Variants in XPNPEP1 observed in about 807,000 individuals in gnomAD.
XPNPEP1 encodes the protein xaa-Pro aminopeptidase 1.
XPNPEP1 carries 39 observed loss-of-function variants against 92.4 expected under a neutral mutation model. The observed-to-expected ratio is 0.42, with a 90% CI of 0.33 to 0.55. The LOEUF (loss-of-function observed/expected upper bound fraction) is 0.55. Ranked by LOEUF, XPNPEP1 falls within the 20% of genes least tolerant of loss-of-function variation. The pLI, the probability that XPNPEP1 is intolerant of heterozygous loss-of-function variation, is 0.08. For synonymous variants in XPNPEP1, 307 were observed against 299.4 expected (o/e 1.03, Z -0.26); for missense variants, 654 against 856.1 (o/e 0.76, Z 2.95).
chr10:109,919,615 G>T (rs970444536), intron 1 of XPNPEP1, among the ~76,000 whole-genome samples: 7 of 152,164 alleles, frequency 4.6e-5, no homozygotes, highest in Non-Finnish European at 8.8e-5. Context: ...CTTATAAAAA[G>T]TTGTACACAA....
At chr10:109,896,558 C>A (rs942051153) in intron 3 of XPNPEP1, among the ~76,000 whole-genome samples, 1 of 151,564 alleles carries the variant, frequency 6.6e-6, no homozygotes. Context: ...GCAAGAGCCA[C>A]CATGCTGGGC....
At position 109,870,027 on chromosome 10, in the gene XPNPEP1, G is replaced by A; in HGVS notation, c.1699C>T (p.Pro567Ser). ...AAAGCCCCATCTTCATAGTACCCGG[G>A]CTCTAAAACAAACCAAATCCCAAAA... Reference protein sequence around the residue: ...LEAGMIVTDEPGYYEDGAFGI... With the variant: ...LEAGMIVTDESGYYEDGAFGI... Residue 567 changes from proline (P) to serine (S), a missense_variant and splice_region_variant, in exon 19 of 21, where the codon CCC becomes TCC. By Grantham distance (74) the Pro-to-Ser change is moderately conservative. Transcript: ENST00000502935. 1 of 1,613,934 alleles carries A rather than the reference G, an allele frequency of 6.2e-7. No homozygotes were observed. Among genetic ancestry groups the A allele is most frequent in the Non-Finnish European group, 8.5e-7 (1 of 1,179,938 alleles).
chr10:109,885,908 C>T (rs1429813921), intron 8 of XPNPEP1, among the ~76,000 whole-genome samples: 1 of 152,130 alleles, frequency 6.6e-6, no homozygotes, highest in Admixed American at 6.5e-5. Context: ...GAAAGAAGGC[C>T]TCTCCTATGA....
chr10:109,904,310 T>C (rs1849439889), intron 3 of XPNPEP1, among the ~76,000 whole-genome samples: 1 of 151,230 alleles, frequency 6.6e-6, no homozygotes. Context: ...ACTTTTCCTA[T>C]ATTCTGCCAG....
rs376242117 is a variant in XPNPEP1, at chr10:109,882,424, T to C, written c.1041+8A>G. On this transcript the variant is annotated splice_region_variant and intron_variant, in intron 10 of 20. Transcript: ENST00000502935. The stretch of plus-strand genomic sequence containing the variant: ...AGAGTTTAGATGGGCCAAAGTGGGG[T>C]CACCAACCTTGGGGATGGTCTCGCT... 10 of 1,607,276 alleles carry C rather than the reference T, an allele frequency of 6.2e-6. No homozygotes were observed. Among genetic ancestry groups the C allele is most frequent in the Admixed American group, 3.3e-5 (2 of 59,892 alleles).
At chr10:109,918,420 C>CA (rs1320529910) in intron 1 of XPNPEP1, among the ~76,000 whole-genome samples, 2 of 151,294 alleles carry the variant, frequency 1.3e-5, no homozygotes, top group East Asian at 3.9e-4. Flanking sequence ...GACCCTGTCT[C>CA]AAAAAAAGAA....
chr10:109,904,019 A>AT (rs1442995341), intron 3 of XPNPEP1, among the ~76,000 whole-genome samples: 2 of 150,348 alleles, frequency 1.3e-5, no homozygotes, highest in African/African-American at 2.5e-5. Flanking sequence ...TAATTTTTGT[A>AT]TTTTTTGGCA....
At chr10:109,883,126 G>A (rs980442246) in intron 9 of XPNPEP1, among the ~76,000 whole-genome samples, 1 of 152,146 alleles carries the variant, frequency 6.6e-6, no homozygotes, top group African/African-American at 2.4e-5. Flanking sequence ...TTCTTGTTCA[G>A]AAAAAGAACC....
rs778389411 is a variant in XPNPEP1 at position 109,865,208 on chromosome 10, C to T, written c.1977G>A (p.Thr659=). ...QEALEWLIRE[T]QPISKQH ...ATTAATGCTGTTTGGAGATGGGTTG[C>T]GTCTCTCTGATGAGCCACTCGAGAG... is the stretch of plus-strand genomic sequence containing the variant. The change falls in exon 21 of 21, where the codon ACG becomes ACA. Residue 659 remains threonine, a synonymous_variant. Coordinates refer to ENST00000502935, the MANE Select transcript of XPNPEP1 (RefSeq NM_020383.4). The T allele has an allele frequency of 1.7e-5, 27 of 1,613,958 alleles. No individual in the cohort carries two copies. Among genetic ancestry groups the T allele is most frequent in the East Asian group, 4.5e-5 (2 of 44,890 alleles).
Position 109,880,892 on chromosome 10 carries a change from C to T in XPNPEP1, c.1081G>A (p.Ala361Thr). Reference protein sequence around the residue: ...CCMPYTPICIAKAVKNSAESE... With the variant: ...CCMPYTPICITKAVKNSAESE... ...TCAGCTGAATTCTTCACAGCTTTGG[C>T]GATGCAGATGGGGGTGTAAGGCATA... Residue 361 changes from alanine (A) to threonine (T), a missense_variant, in exon 11 of 21, where the codon GCC becomes ACC. Ala to Thr is a moderately conservative substitution (Grantham distance 58). Transcript: ENST00000502935. 6.2e-7 allele frequency: 1 copy of T among 1,613,934 alleles called. No homozygotes were observed. The highest frequency in any genetic ancestry group is 2.2e-5 in the East Asian group (1 of 44,872).
chr10:109,912,130 T>C (rs1422396281), intron 2 of XPNPEP1, among the ~76,000 whole-genome samples: 9 of 152,114 alleles, frequency 5.9e-5, no homozygotes, highest in Non-Finnish European at 4.4e-5. Context: ...GACTGGCATA[T>C]CAGACCCCCA....
At chr10:109,918,941 G>T (rs1478381884) in intron 1 of XPNPEP1, among the ~76,000 whole-genome samples, 1 of 149,580 alleles carries the variant, frequency 6.7e-6, no homozygotes, top group South Asian at 2.1e-4. Context: ...GAAAAAGAAC[G>T]AAAAGGAAGG....
At chr10:109,871,681 G>C in intron 17 of XPNPEP1, 111 bp downstream of exon 17, 1 of 1,254,764 alleles carries the variant, frequency 8.0e-7, no homozygotes. Flanking sequence ...GGCCTGAAGT[G>C]GGATGGGGAC....
intron 3 of XPNPEP1, among the ~76,000 whole-genome samples, chr10:109,899,290 T>A (rs1849151637): frequency 6.6e-6 from 1 of 152,120 alleles, no homozygotes; most frequent in South Asian, 2.1e-4. Context: ...TTCTTACCAA[T>A]GAAATGTGGG....
At chr10:109,877,939 C>G in intron 13 of XPNPEP1, 61 bp downstream of exon 13, 1 of 1,614,188 alleles carries the variant, frequency 6.2e-7, no homozygotes, top group Non-Finnish European at 8.5e-7. Context: ...CCCTTCCAGC[C>G]TCATTCAACT....
In XPNPEP1 at chr10:109,893,040, A is replaced by G; in HGVS notation, c.282T>C (p.Ala94=). The G allele has an allele frequency of 1.9e-6, 3 of 1,613,858 alleles. No individual in the cohort carries two copies. The highest frequency in any genetic ancestry group is 1.7e-6 in the Non-Finnish European group (2 of 1,179,904). The change falls in exon 4 of 21, where the codon GCT becomes GCC. Residue 94 remains alanine, a synonymous_variant. Coordinates refer to ENST00000502935, the MANE Select transcript of XPNPEP1 (RefSeq NM_020383.4). ...CAGAGCCATCGAATCCAGAGACAAA[A>G]GCCCGCCGACAGTCACATGGAGCAA... The part of the protein sequence containing the change: ...EYIAPCDCRR[A]FVSGFDGSAG...
chr10:109,875,663 G>C, intron 14 of XPNPEP1, 64 bp from the exon 15 acceptor site: 1 of 1,425,664 alleles, frequency 7.0e-7, no homozygotes, highest in Non-Finnish European at 9.8e-7. Flanking sequence ...TCTGGGAGGA[G>C]GACACACAAG....
intron 1 of XPNPEP1, among the ~76,000 whole-genome samples, chr10:109,917,892 A>T (rs998242635): frequency 1.3e-5 from 2 of 152,212 alleles, no homozygotes; most frequent in African/African-American, 4.8e-5. Flanking sequence ...TGCTGGGACA[A>T]GTGAATATCC....
chr10:109,881,285 C>T (rs1589566431), intron 10 of XPNPEP1, among the ~76,000 whole-genome samples: 1 of 152,194 alleles, frequency 6.6e-6, no homozygotes, highest in East Asian at 1.9e-4. Flanking sequence ...ACCGAAATCA[C>T]CCTTCTCTTG....
Sources: gnomAD v4.1 joint callset for allele counts (sites outside exome capture counted in the v4.1 genomes callset) on GRCh38, gnomAD v4.1.1 for gene constraint, MANE v1.5 for transcripts, NCBI Gene and HGNC (gene_info 2026-07-23, HGNC 2026-07-21) for gene names.